The following SATB2 variants were observed in gnomAD, a reference collection of about 807,000 sequenced individuals.
SATB2 encodes the protein DNA-binding protein SATB2.
Under a neutral mutation model 73.4 loss-of-function variants are expected in SATB2, and 1 was observed. The observed-to-expected ratio is 0.01, with a 90% CI of 0.00 to 0.06. SATB2 has a LOEUF of 0.06. Ranked by LOEUF, SATB2 falls within the 10% of genes least tolerant of loss-of-function variation. SATB2 has a pLI of 1.00. For missense variants in SATB2, 459 were observed against 945.8 expected (o/e 0.49, Z 6.75); for synonymous variants, 397 against 367.0 (o/e 1.08, Z -0.93).
chr2:199,336,110 A>G (rs539924083), intron 7 of SATB2, among the ~76,000 whole-genome samples: 1 of 152,262 alleles, frequency 6.6e-6, no homozygotes, highest in East Asian at 1.9e-4. Flanking sequence ...TACTTAATCT[A>G]CGTAATGATT....
chr2:199,468,283 G>A (rs1217043710), upstream of SATB2: 1 of 151,460 alleles, frequency 6.6e-6, no homozygotes, highest in African/African-American at 2.4e-5. Context: ...GGGGTGGGTG[G>A]GTCCAGTATT....
At chr2:199,286,668 T>C (rs1299050189) in intron 10 of SATB2, among the ~76,000 whole-genome samples, 1 of 152,120 alleles carries the variant, frequency 6.6e-6, no homozygotes, top group East Asian at 1.9e-4. Context: ...TCCACCACTC[T>C]TCACAAAGTA....
chr2:199,341,851 T>C (rs930928888), intron 7 of SATB2, among the ~76,000 whole-genome samples: 2 of 152,180 alleles, frequency 1.3e-5, no homozygotes, highest in African/African-American at 4.8e-5. Context: ...ACCAGTGATT[T>C]ATTAAGATGG....
chr2:199,274,311 G>A (rs1485961729), intron 10 of SATB2, among the ~76,000 whole-genome samples: 1 of 151,702 alleles, frequency 6.6e-6, no homozygotes, highest in Non-Finnish European at 1.5e-5. Flanking sequence ...CTACCCATAT[G>A]ATCCATGTCT....
intron 10 of SATB2, among the ~76,000 whole-genome samples, chr2:199,282,526 T>A (rs963172438): frequency 6.6e-6 from 1 of 152,168 alleles, no homozygotes; most frequent in African/African-American, 2.4e-5. Context: ...CGTTACTTAC[T>A]CTCTCTGAGC....
intron 7 of SATB2, among the ~76,000 whole-genome samples, chr2:199,338,585 A>C (rs796634615): frequency 1.3e-5 from 2 of 152,190 alleles, no homozygotes; most frequent in African/African-American, 4.8e-5. Context: ...TGAGTCTGGC[A>C]ACTAATTTTT....
intron 6 of SATB2, among the ~76,000 whole-genome samples, chr2:199,358,469 G>GA (rs1689050178): frequency 1.3e-5 from 2 of 151,886 alleles, no homozygotes; most frequent in Admixed American, 6.6e-5. Context: ...AAGAGTAAAA[G>GA]AAAGAAAAAA....
chr2:199,355,200 T>C (rs549257949), intron 6 of SATB2, among the ~76,000 whole-genome samples: 2 of 150,640 alleles, frequency 1.3e-5, no homozygotes, highest in Non-Finnish European at 3.0e-5. Flanking sequence ...ACACACTATA[T>C]ATGTATATAT....
At chr2:199,302,873 C>T (rs1687327043) in intron 10 of SATB2, among the ~76,000 whole-genome samples, 1 of 152,160 alleles carries the variant, frequency 6.6e-6, no homozygotes, top group Non-Finnish European at 1.5e-5. Flanking sequence ...ATAAGAGGCA[C>T]ATTCTGAAGC....
intron 5 of SATB2, among the ~76,000 whole-genome samples, chr2:199,369,735 T>C (rs1433494569): frequency 2.6e-5 from 4 of 152,114 alleles, no homozygotes; most frequent in Non-Finnish European, 5.9e-5. Context: ...TTCTACAAAG[T>C]AATAGAGATA....
intron 6 of SATB2, among the ~76,000 whole-genome samples, chr2:199,362,072 T>C (rs903670855): frequency 2.6e-5 from 4 of 152,172 alleles, no homozygotes; most frequent in African/African-American, 9.7e-5. Context: ...TTGGTGTCAC[T>C]ACCCTCCCTA....
At chr2:199,430,820 C>T (rs1458551519) in intron 3 of SATB2, among the ~76,000 whole-genome samples, 3 of 152,188 alleles carry the variant, frequency 2.0e-5, no homozygotes, top group South Asian at 4.1e-4. Flanking sequence ...ACATTGCTAA[C>T]GTATCTCCTC....
intron 5 of SATB2, among the ~76,000 whole-genome samples, chr2:199,378,937 C>T (rs553106747): frequency 6.6e-6 from 1 of 152,270 alleles, no homozygotes; most frequent in Middle Eastern, 3.4e-3. Flanking sequence ...TACCCAATAG[C>T]CTTCCTATCT....
At chr2:199,319,795 C>T (rs1687835121) in intron 9 of SATB2, among the ~76,000 whole-genome samples, 1 of 151,514 alleles carries the variant, frequency 6.6e-6, no homozygotes, top group Admixed American at 6.6e-5. Flanking sequence ...TGATCCTTAG[C>T]ATTCTATGAG....
chr2:199,272,414 G>T lies in SATB2; in HGVS notation c.1999C>A (p.Arg667=), dbSNP rs751977362. 1.9e-6 allele frequency: 3 copies of T among 1,614,048 alleles called. No individual in the cohort carries two copies. The African/African-American group carries it at 4.0e-5, about 22-fold the overall frequency. ...TTCCCGTGGTGCTTCACGTGGTACCGCTGGTTCTGGAAGAACTTGATGATG... is the reference window on the plus strand; with the variant it reads ...TTCCCGTGGTGCTTCACGTGGTACCTCTGGTTCTGGAAGAACTTGATGATG... ...HTIIKFFQNQ[R]YHVKHHGKLK... Residue 667 remains arginine (R), a synonymous_variant, in exon 11 of 11, where the codon CGG becomes AGG. Transcript: ENST00000417098. The surrounding 1 kb of genome is among the most constrained non-coding windows in gnomAD (Gnocchi z 6.7).
intron 3 of SATB2, among the ~76,000 whole-genome samples, chr2:199,382,524 G>T (rs1367447541): frequency 6.6e-6 from 1 of 152,026 alleles, no homozygotes; most frequent in Non-Finnish European, 1.5e-5. Context: ...GCATAACAAT[G>T]AAAAAATAAT....
intron 9 of SATB2, among the ~76,000 whole-genome samples, chr2:199,311,035 T>C (rs1687581048): frequency 6.6e-6 from 1 of 152,232 alleles, no homozygotes; most frequent in African/African-American, 2.4e-5. Context: ...CATCAGTCTT[T>C]AAGAAGTGTA....
upstream of SATB2, among the ~76,000 whole-genome samples, chr2:199,462,706 T>G (rs973749428): frequency 5.9e-5 from 9 of 151,724 alleles, no homozygotes; most frequent in South Asian, 2.1e-4. The surrounding 1 kb of genome is among the most constrained non-coding windows in gnomAD (Gnocchi z 5.9). Flanking sequence ...CCGCCGGAGG[T>G]AGAGACTGTG....
At chr2:199,383,406 C>T (rs1314610734) in intron 3 of SATB2, among the ~76,000 whole-genome samples, 1 of 152,178 alleles carries the variant, frequency 6.6e-6, no homozygotes. Flanking sequence ...TGCTTCCTTG[C>T]TTCTTTTACT....
Sources: allele counts gnomAD v4.1 joint callset (sites outside exome capture counted in the v4.1 genomes callset), GRCh38; gene constraint gnomAD v4.1.1; non-coding constraint Gnocchi (gnomAD v3.1); transcripts MANE v1.5; gene names NCBI Gene and HGNC (gene_info 2026-07-23, HGNC 2026-07-21).